Variants in DIAPH1 observed in about 807,000 individuals in gnomAD.
The protein encoded by DIAPH1 is diaphanous related formin 1.
Under a neutral mutation model 140.7 loss-of-function variants are expected in DIAPH1, and 46 were observed. The observed-to-expected ratio is 0.33, with a 90% CI of 0.26 to 0.42. The LOEUF (loss-of-function observed/expected upper bound fraction) is 0.42. Among genes scored for constraint, DIAPH1 ranks in the 10% least tolerant of loss-of-function variants. The pLI is 1.00. For missense variants in DIAPH1, 1,310 were observed against 1,558.7 expected, an observed-to-expected ratio of 0.84 and a Z score of 2.69; for synonymous variants, 565 against 551.6, an observed-to-expected ratio of 1.02 and a Z score of -0.34.
At chr5:141,609,540 T>C (rs935178282) in intron 1 of DIAPH1, among the ~76,000 whole-genome samples, 9 of 152,312 alleles carry the variant, frequency 5.9e-5, no homozygotes, top group Admixed American at 2.0e-4. Flanking sequence ...ACCTATAAAA[T>C]GGGAATAATA....
At chr5:141,611,426 A>T (rs541992040) in intron 1 of DIAPH1, among the ~76,000 whole-genome samples, 1 of 152,302 alleles carries the variant, frequency 6.6e-6, no homozygotes, top group South Asian at 2.1e-4. Flanking sequence ...AGAAGTGGTG[A>T]CACACGCCTG....
intron 27 of DIAPH1, among the ~76,000 whole-genome samples, chr5:141,520,256 G>A (rs2099886314): frequency 6.6e-6 from 1 of 152,190 alleles, no homozygotes; most frequent in Non-Finnish European, 1.5e-5. Context: ...AAGTAGGGGG[G>A]AGAATAAGCA....
At chr5:141,518,678 A>G (rs925441072) in intron 27 of DIAPH1, 3 of 486,242 alleles carry the variant, frequency 6.2e-6, no homozygotes, top group African/African-American at 1.9e-5. Context: ...ATGTGCCACC[A>G]TATCTGGCTA....
chr5:141,577,708 T>C, intron 11 of DIAPH1, 117 bp from the exon 12 acceptor site: 1 of 746,542 alleles, frequency 1.3e-6, no homozygotes, highest in East Asian at 2.6e-5. Flanking sequence ...TCCATTCTAC[T>C]GGCTGTTCTT....
intron 4 of DIAPH1, 44 bp from the exon 5 acceptor site, chr5:141,583,659 T>TC (rs1474361186): frequency 6.2e-7 from 1 of 1,612,728 alleles, no homozygotes; most frequent in East Asian, 2.2e-5. Context: ...GTGGACCCAG[T>TC]CATAAATTAA....
intron 1 of DIAPH1, among the ~76,000 whole-genome samples, chr5:141,611,659 G>A (rs111532370): frequency 2.6e-5 from 4 of 152,148 alleles, no homozygotes; most frequent in South Asian, 2.1e-4. Flanking sequence ...GATTCTTCAC[G>A]GACGATACAT....
intron 18 of DIAPH1, among the ~76,000 whole-genome samples, chr5:141,567,651 C>A (rs147780249): frequency 1.2e-4 from 18 of 152,190 alleles, no homozygotes; most frequent in Non-Finnish European, 2.5e-4. Context: ...AAGGTTAAAG[C>A]TGCAGAAGCT....
chr5:141,617,575 G>A (rs189561299), intron 1 of DIAPH1, among the ~76,000 whole-genome samples: 1 of 152,164 alleles, frequency 6.6e-6, no homozygotes, highest in Non-Finnish European at 1.5e-5. Flanking sequence ...GTGGGACTAA[G>A]AGTTACAAGC....
intron 18 of DIAPH1, among the ~76,000 whole-genome samples, chr5:141,548,230 G>A (rs551871961): frequency 2.0e-4 from 29 of 148,266 alleles, no homozygotes; most frequent in African/African-American, 4.7e-4. Context: ...GCAGGGGGTG[G>A]AACATATTAT....
intron 1 of DIAPH1, among the ~76,000 whole-genome samples, chr5:141,603,801 G>A (rs1389166059): frequency 6.6e-6 from 1 of 152,154 alleles, no homozygotes; most frequent in Non-Finnish European, 1.5e-5. Context: ...CAGGTCCAAA[G>A]TATCACTTCT....
chr5:141,569,723 T>A (rs1302283755), intron 18 of DIAPH1, among the ~76,000 whole-genome samples: 1 of 152,040 alleles, frequency 6.6e-6, no homozygotes, highest in Non-Finnish European at 1.5e-5. Flanking sequence ...ATCGCGCCAG[T>A]GCACTCCAGC....
chr5:141,574,981 G>C lies in DIAPH1; in HGVS notation c.1627C>G (p.Gln543Glu). 1 of 1,614,114 alleles carries C rather than the reference G, an allele frequency of 6.2e-7. No homozygotes were observed. Among genetic ancestry groups the C allele is most frequent in the Non-Finnish European group, 8.5e-7 (1 of 1,180,018 alleles). Residue 543 changes from glutamine (Q) to glutamate (E), a missense_variant, in exon 15 of 28, where the codon CAG becomes GAG. By Grantham distance (29) the Gln-to-Glu change is conservative (BLOSUM62 2). Around this residue, in one of 3 missense-constraint regions of DIAPH1, gnomAD observed 589 missense variants for 549.3 expected, o/e 1.07. Coordinates refer to ENST00000389054, the MANE Select transcript of DIAPH1 (RefSeq NM_005219.5). Reference protein sequence around the residue: ...EKQDLEAEVSQLTGEVAKLTK... With the variant: ...EKQDLEAEVSELTGEVAKLTK... ...TCAGGCATTACCTCTCCTGTGAGCT[G>C]GGACACCTCTGCTTCCAGGTCCTGT...
chr5:141,540,128 T>G (rs1723342069), intron 18 of DIAPH1, among the ~76,000 whole-genome samples: 1 of 151,992 alleles, frequency 6.6e-6, no homozygotes, highest in South Asian at 2.1e-4. Flanking sequence ...TTTTTTTTCT[T>G]TTTTTTGAGA....
chr5:141,602,185 TAC>T (rs1371812321), intron 1 of DIAPH1, among the ~76,000 whole-genome samples: 7 of 152,286 alleles, frequency 4.6e-5, no homozygotes, highest in African/African-American at 1.7e-4. Context: ...TGAATTCAGT[TAC>T]CATTGAGGCC....
chr5:141,534,988 A>G (rs1322528574), intron 18 of DIAPH1, among the ~76,000 whole-genome samples: 3 of 152,146 alleles, frequency 2.0e-5, no homozygotes. Flanking sequence ...TCACTGTGTC[A>G]CCCAGGTTGG....
intron 1 of DIAPH1, among the ~76,000 whole-genome samples, chr5:141,598,746 G>A (rs2099899703): frequency 6.6e-6 from 1 of 152,150 alleles, no homozygotes; most frequent in Non-Finnish European, 1.5e-5. Flanking sequence ...TCCCTGTAAG[G>A]TCAAGCTAAT....
At chr5:141,519,318 A>G (rs1274440024) in intron 27 of DIAPH1, among the ~76,000 whole-genome samples, 1 of 152,088 alleles carries the variant, frequency 6.6e-6, no homozygotes, top group Non-Finnish European at 1.5e-5. Flanking sequence ...GTAGTTTCCT[A>G]TCATTTTATT....
intron 1 of DIAPH1, among the ~76,000 whole-genome samples, chr5:141,596,911 A>T (rs1252134194): frequency 6.6e-6 from 1 of 152,244 alleles, no homozygotes; most frequent in African/African-American, 2.4e-5. Flanking sequence ...AAGAAGAAAG[A>T]TGTTCTAAAA....
chr5:141,516,741 G>A lies in DIAPH1; in HGVS notation c.*110C>T. 1 of 1,168,058 alleles carries A rather than the reference G, an allele frequency of 8.6e-7. No individual in the cohort carries two copies. Among genetic ancestry groups the A allele is most frequent in the Non-Finnish European group, 1.3e-6 (1 of 795,068 alleles). The allele number at this position is 1,168,058 out of a possible 1,614,324, so 72.4% of individuals were successfully genotyped here. On this transcript the variant is annotated 3_prime_UTR_variant, in exon 28 of 28. Transcript: ENST00000389054. ...CCAGAGAGAAAGACAGGGTCAGGGTGGTGGGAGTGGCCACCCCAGAGGAAT... is the reference window on the plus strand; with the variant it reads ...CCAGAGAGAAAGACAGGGTCAGGGTAGTGGGAGTGGCCACCCCAGAGGAAT...
Sources: gnomAD v4.1 joint callset for allele counts (sites outside exome capture counted in the v4.1 genomes callset) on GRCh38, gnomAD v4.1.1 for gene constraint, gnomAD v4.1.1 regional missense constraint, MANE v1.5 for transcripts, NCBI Gene and HGNC (gene_info 2026-07-23, HGNC 2026-07-21) for gene names.